The following ARG1 variants were observed in gnomAD, a reference collection of about 807,000 sequenced individuals.
ARG1 encodes the protein arginase 1, also known as arginase-1.
In ARG1, 20 loss-of-function variants were observed where a neutral mutation model predicts 33.0. The observed-to-expected ratio is 0.61, with a 90% CI of 0.43 to 0.88. The LOEUF is 0.88. Ranked by LOEUF, ARG1 falls within the 40% of genes least tolerant of loss-of-function variation. ARG1 has a pLI of 0.00. For missense variants in ARG1, 374 were observed against 384.7 expected (o/e 0.97, Z 0.23); for synonymous variants, 146 against 140.6 (o/e 1.04, Z -0.27).
At chr6:131,574,321 G>C (rs758675444) in intron 1 of ARG1, 3 of 1,613,858 alleles carry the variant, frequency 1.9e-6, no homozygotes, top group Non-Finnish European at 2.5e-6. Flanking sequence ...AGAGAGGCCA[G>C]AGGTTAGAGG....
intron 1 of ARG1, 27 bp downstream of exon 1, chr6:131,573,366 T>A (rs779986367): frequency 7.4e-6 from 12 of 1,612,428 alleles, no homozygotes; most frequent in Middle Eastern, 3.3e-4. Flanking sequence ...TTCTTTGAAT[T>A]CCTGGAATTT....
Position 131,583,163 on chromosome 6 carries a change from A to T in ARG1, c.664A>T (p.Arg222Ter), listed in dbSNP as rs1303114569. ...MEETLSYLLG[R>*]KKRPIHLSFD... ...AGAAACACTCAGCTATCTACTAGGAAGGTAGGATTCTTTTGTGTGTGCACA... is the reference window on the plus strand; with the variant it reads ...AGAAACACTCAGCTATCTACTAGGATGGTAGGATTCTTTTGTGTGTGCACA... Residue 222 changes from arginine to a stop codon, truncating the protein, a stop_gained and splice_region_variant, in exon 6 of 8, where the codon AGA becomes TGA. Coordinates refer to ENST00000368087, the MANE Select transcript of ARG1 (RefSeq NM_000045.4). LOFTEE classifies it high-confidence loss of function. 1 of 1,613,090 alleles carries T rather than the reference A, an allele frequency of 6.2e-7. No individual in the cohort carries two copies.
At chr6:131,575,039 A>T (rs1214576419) in intron 1 of ARG1, among the ~76,000 whole-genome samples, 1 of 152,160 alleles carries the variant, frequency 6.6e-6, no homozygotes, top group Non-Finnish European at 1.5e-5. Context: ...AAGTCGGTGG[A>T]GCTGACAAAG....
At chr6:131,576,099 A>G (rs1314280951) in intron 1 of ARG1, among the ~76,000 whole-genome samples, 3 of 152,196 alleles carry the variant, frequency 2.0e-5, no homozygotes, top group Non-Finnish European at 4.4e-5. Context: ...CGCAAGACTC[A>G]GCTTAAACAG....
chr6:131,581,390 G>T lies in ARG1; in HGVS notation c.465+12G>T. The T allele has an allele frequency of 6.2e-7, 1 of 1,609,888 alleles. No homozygotes were observed. Among genetic ancestry groups the T allele is most frequent in the Non-Finnish European group, 8.5e-7 (1 of 1,177,900 alleles). On this transcript the variant is annotated intron_variant, in intron 4 of 7. Coordinates refer to ENST00000368087, the MANE Select transcript of ARG1 (RefSeq NM_000045.4). Reference sequence around the variant, plus strand: ...AACTAAAAGGAAAGGTAAAAGACTGGTTGGTACTCTAGTGCAATAGAATAC... The same window carrying T: ...AACTAAAAGGAAAGGTAAAAGACTGTTTGGTACTCTAGTGCAATAGAATAC...
intron 7 of ARG1, 125 bp from the exon 8 acceptor site, chr6:131,583,617 T>C (rs951946102): frequency 1.1e-5 from 17 of 1,516,228 alleles, no homozygotes; most frequent in Non-Finnish European, 1.5e-5. Context: ...CATGATGCAA[T>C]AACTAAAGTG....
chr6:131,573,491 C>A, intron 1 of ARG1, 152 bp downstream of exon 1: 1 of 757,208 alleles, frequency 1.3e-6, no homozygotes, highest in Non-Finnish European at 2.3e-6. Flanking sequence ...CATTTTCCAA[C>A]ATTGTATAAT....
chr6:131,580,783 A>C (rs561587996), intron 3 of ARG1, among the ~76,000 whole-genome samples: 61 of 152,322 alleles, frequency 4.0e-4, no homozygotes, highest in African/African-American at 1.4e-3. Context: ...AAAAATTGAA[A>C]GACTTTGTCA....
In ARG1 at chr6:131,581,147, A is replaced by G. The variant is rs895838745; in HGVS notation, c.306-72A>G. Reference sequence around the variant, plus strand: ...ACTCAAAGGAAAACCAAGTGGGAGCATTGAGTGAATAATATGATGTATGTA... The same window carrying G: ...ACTCAAAGGAAAACCAAGTGGGAGCGTTGAGTGAATAATATGATGTATGTA... On this transcript the variant is annotated intron_variant, in intron 3 of 7. Coordinates refer to ENST00000368087, the MANE Select transcript of ARG1 (RefSeq NM_000045.4). The G allele has an allele frequency of 7.4e-6, 11 of 1,481,842 alleles. No individual in the cohort carries two copies. The African/African-American group carries it at 1.5e-4, about 20-fold the overall frequency. 91.8% of individuals were successfully genotyped at this position (1,481,842 alleles called of 1,614,324 possible).
chr6:131,579,940 C>T (rs954911752), intron 3 of ARG1, among the ~76,000 whole-genome samples: 2 of 152,032 alleles, frequency 1.3e-5, no homozygotes, highest in Admixed American at 1.3e-4. Flanking sequence ...ATGGGATGTG[C>T]ATAAGCATCA....
At position 131,582,720 on chromosome 6, in the gene ARG1, G is replaced by A. The variant is rs763312659; in HGVS notation, c.560+5G>A. 2.5e-6 allele frequency: 4 copies of A among 1,612,810 alleles called. No homozygotes were observed. The highest frequency in any genetic ancestry group is 1.7e-5 in the Admixed American group (1 of 59,970). On this transcript the variant is annotated splice_donor_5th_base_variant and intron_variant, in intron 5 of 7. Transcript: ENST00000368087. ...AGACGTGGACCCTGGGGAACAGTAA[G>A]CTTATTCCTTGATGTGATTTGCCTC...
In ARG1 at chr6:131,581,367, CTAAAAGGAAAGGTAAAAGACTGGTTGG is replaced by C; in HGVS notation, c.457_465+18del. On this transcript the variant is annotated splice_donor_variant and splice_donor_5th_base_variant and coding_sequence_variant and intron_variant, in exon 4 of 8. Coordinates refer to ENST00000368087, the MANE Select transcript of ARG1 (RefSeq NM_000045.4). LOFTEE classifies it high-confidence loss of function. ...ACCTGTATCTTTCCTCCTGAAGGAA[CTAAAAGGAAAGGTAAAAGACTGGTTGG>C]TACTCTAGTGCAATAGAATACTTTT... 1 of 1,612,858 alleles carries C rather than the reference CTAAAAGGAAAGGTAAAAGACTGGTTGG, an allele frequency of 6.2e-7. No homozygotes were observed. The highest frequency in any genetic ancestry group is 8.5e-7 in the Non-Finnish European group (1 of 1,179,426).
intron 1 of ARG1, chr6:131,574,365 C>T: frequency 2.6e-6 from 4 of 1,561,178 alleles, no homozygotes; most frequent in Non-Finnish European, 3.5e-6. Flanking sequence ...GTAAATACTA[C>T]TTTGCTTCCC....
intron 3 of ARG1, chr6:131,579,762 A>C (rs745500912): frequency 6.3e-6 from 1 of 158,862 alleles, no homozygotes; most frequent in African/African-American, 2.4e-5. Flanking sequence ...TTTCAACCAG[A>C]ATTGAAAATC....
At position 131,581,140 on chromosome 6, in the gene ARG1, TG is replaced by T. The variant is rs1190355351; in HGVS notation, c.306-76del. ...CACTGTGACTCAAAGGAAAACCAAG[TG>T]GGAGCATTGAGTGAATAATATGATG... On this transcript the variant is annotated intron_variant, in intron 3 of 7. Transcript: ENST00000368087. 2.1e-6 allele frequency: 3 copies of T among 1,437,524 alleles called. No individual in the cohort carries two copies. In the African/African-American group the frequency reaches 4.2e-5, roughly 20 times the overall value. 89.0% of individuals were successfully genotyped at this position (1,437,524 alleles called of 1,614,324 possible).
At position 131,573,357 on chromosome 6, in the gene ARG1, T is replaced by G; in HGVS notation, c.57+18T>G. 1 of 1,613,524 alleles carries G rather than the reference T, an allele frequency of 6.2e-7. No individual in the cohort carries two copies. Among genetic ancestry groups the G allele is most frequent in the Non-Finnish European group, 8.5e-7 (1 of 1,179,558 alleles). On this transcript the variant is annotated intron_variant, in intron 1 of 7. Coordinates refer to ENST00000368087, the MANE Select transcript of ARG1 (RefSeq NM_000045.4). ...AGGGACAGGTAAGGAAAAAAGTCTT[T>G]CTTTGAATTCCTGGAATTTAGTTGA...
chr6:131,582,536 G>A (rs911464078), intron 4 of ARG1, 85 bp from the exon 5 acceptor site: 11 of 980,798 alleles, frequency 1.1e-5, no homozygotes, highest in Admixed American at 5.2e-5. Context: ...TAAGATATAC[G>A]CAATCCAATA....
chr6:131,576,692 A>ACCTTCTTGAGAAAGGCTG lies in ARG1; in HGVS notation c.87_88insCCTTCTTGAGAAAGGCTG (p.Thr29_Val30insProSerTer). ...GAGGAGGGGTGGAAGAAGGCCCTACAGTATTGAGAAAGGCTGGTCTGCTTG... is the reference window on the plus strand; with the variant it reads ...GAGGAGGGGTGGAAGAAGGCCCTACACCTTCTTGAGAAAGGCTGGTATTGAGAAAGGCTGGTCTGCTTG... On this transcript the variant is annotated stop_gained and inframe_insertion, in exon 2 of 8. Transcript: ENST00000368087. LOFTEE classifies it high-confidence loss of function. 1 of 1,614,144 alleles carries ACCTTCTTGAGAAAGGCTG rather than the reference A, an allele frequency of 6.2e-7. No homozygotes were observed. Among genetic ancestry groups the ACCTTCTTGAGAAAGGCTG allele is most frequent in the Non-Finnish European group, 8.5e-7 (1 of 1,179,982 alleles).
At chr6:131,582,539 A>G in intron 4 of ARG1, 82 bp from the exon 5 acceptor site, 1 of 1,032,716 alleles carries the variant, frequency 9.7e-7, no homozygotes, top group Non-Finnish European at 1.5e-6. Flanking sequence ...GATATACGCA[A>G]TCCAATATGT....
Sources: gnomAD v4.1 joint callset for allele counts (sites outside exome capture counted in the v4.1 genomes callset) on GRCh38, gnomAD v4.1.1 for gene constraint, MANE v1.5 for transcripts, NCBI Gene and HGNC (gene_info 2026-07-23, HGNC 2026-07-21) for gene names.